RBFOX1: variants seen among roughly 807,000 people sequenced by gnomAD.
The protein encoded by RBFOX1 is RNA binding protein fox-1 homolog 1.
Under a neutral mutation model 57.7 loss-of-function variants are expected in RBFOX1, and 8 were observed. The ratio of observed to expected loss-of-function variants is 0.14; its 90% confidence interval spans 0.08 to 0.25. RBFOX1 has a LOEUF of 0.25. RBFOX1 is among the 10% of genes least tolerant of loss of function. The pLI is 1.00. For synonymous variants in RBFOX1, 326 were observed against 222.4 expected, an observed-to-expected ratio of 1.47 and a Z score of -4.15; for missense variants, 611 against 548.5, an observed-to-expected ratio of 1.11 and a Z score of -1.14.
chr16:5,499,074 T>C (rs984408589), intron 2 of RBFOX1, among the ~76,000 whole-genome samples: 1 of 152,178 alleles, frequency 6.6e-6, no homozygotes, highest in African/African-American at 2.4e-5. Context: ...GTGGTGCTCA[T>C]GCTTGCTGGC....
At chr16:6,485,189 T>G (rs1020861520) in intron 2 of RBFOX1, among the ~76,000 whole-genome samples, 8 of 152,178 alleles carry the variant, frequency 5.3e-5, no homozygotes, top group Non-Finnish European at 1.0e-4. Flanking sequence ...AGGCTTTTCA[T>G]TTAAAAAGCA....
At chr16:6,473,272 A>C (rs1337407055) in intron 2 of RBFOX1, among the ~76,000 whole-genome samples, 1 of 152,164 alleles carries the variant, frequency 6.6e-6, no homozygotes, top group Non-Finnish European at 1.5e-5. Flanking sequence ...GGCAGGGTAC[A>C]TGTCTGTCTC....
At chr16:5,577,960 G>A (rs2046524362) in intron 2 of RBFOX1, among the ~76,000 whole-genome samples, 1 of 76,328 alleles carries the variant, frequency 1.3e-5, no homozygotes, top group East Asian at 5.9e-4. Context: ...TGGGGTTTGA[G>A]GATTTCTTTT....
rs545169281 is a variant in RBFOX1 at position 7,212,428 on chromosome 16, A to G, written c.27+160330A>G. Among the ~76,000 whole-genome samples the G allele has an allele frequency of 1.4e-3, 219 of 152,292 alleles. 1 individual carries two copies. Among genetic ancestry groups the G allele is most frequent in the Non-Finnish European group, 2.5e-3 (171 of 68,028 alleles). On this transcript the variant is annotated intron_variant, in intron 4 of 15. Coordinates refer to ENST00000550418, the MANE Select transcript of RBFOX1 (RefSeq NM_018723.4). The stretch of plus-strand genomic sequence containing the variant: ...AGCAACCCCTCTTTCCCACTATTTT[A>G]AATGAATAGGCATACTTGTATCCAT...
chr16:7,088,849 C>T (rs1353291749), intron 4 of RBFOX1, among the ~76,000 whole-genome samples: 2 of 152,184 alleles, frequency 1.3e-5, no homozygotes, highest in South Asian at 2.1e-4. Context: ...CAACCTCTGT[C>T]TTTCATCAGC....
chr16:6,746,561 C>G (rs1387392412), intron 3 of RBFOX1, among the ~76,000 whole-genome samples: 1 of 151,984 alleles, frequency 6.6e-6, no homozygotes, highest in Non-Finnish European at 1.5e-5. Context: ...TCTGCAGTCC[C>G]TAGCTACCTG....
intron 4 of RBFOX1, among the ~76,000 whole-genome samples, chr16:7,496,176 C>T (rs747446873): frequency 6.6e-5 from 10 of 152,184 alleles, no homozygotes; most frequent in Non-Finnish European, 1.5e-4. Flanking sequence ...TAGGGTCTTG[C>T]TCTGTCTCCC....
chr16:5,550,424 G>T (rs552999718), intron 2 of RBFOX1, among the ~76,000 whole-genome samples: 2 of 152,292 alleles, frequency 1.3e-5, no homozygotes, highest in South Asian at 2.1e-4. Flanking sequence ...TTACCGCTCT[G>T]TTGGATCCAT....
Position 6,999,926 on chromosome 16 carries a change from A to T in RBFOX1, c.-15-52131A>T, listed in dbSNP as rs188901577. Among the ~76,000 whole-genome samples the T allele has an allele frequency of 1.2e-3, 180 of 152,040 alleles. 1 individual carries two copies. The highest frequency in any genetic ancestry group is 4.1e-3 in the African/African-American group (172 of 41,504). ...GTCTTTACTAAAAATACAGAAGTTA[A>T]CCAGGTGTGGTGGCACACACTTGTA... On this transcript the variant is annotated intron_variant, in intron 3 of 15. Coordinates refer to ENST00000550418, the MANE Select transcript of RBFOX1 (RefSeq NM_018723.4).
intron 1 of RBFOX1, among the ~76,000 whole-genome samples, chr16:5,315,849 A>G (rs965723275): frequency 2.6e-5 from 4 of 152,146 alleles, no homozygotes; most frequent in African/African-American, 9.7e-5. Context: ...CACATTGTCT[A>G]GAGCCTGTAG....
intron 4 of RBFOX1, among the ~76,000 whole-genome samples, chr16:7,145,623 G>GA: frequency 6.6e-6 from 1 of 152,072 alleles, no homozygotes; most frequent in African/African-American, 2.4e-5. Context: ...GTTAGTGGGG[G>GA]TATTTAGGAA....
At chr16:6,027,882 T>A (rs566040705) in intron 1 of RBFOX1, among the ~76,000 whole-genome samples, 1 of 152,260 alleles carries the variant, frequency 6.6e-6, no homozygotes, top group Admixed American at 6.5e-5. Context: ...TTGACAGACT[T>A]GAGGCCCTGT....
At chr16:7,214,273 C>T (rs1015853387) in intron 4 of RBFOX1, among the ~76,000 whole-genome samples, 5 of 152,222 alleles carry the variant, frequency 3.3e-5, no homozygotes, top group East Asian at 1.9e-4. Context: ...ATTTCTTACG[C>T]ATATGGGAGG....
intron 4 of RBFOX1, among the ~76,000 whole-genome samples, chr16:7,231,105 A>G (rs931195820): frequency 6.6e-6 from 1 of 152,150 alleles, no homozygotes; most frequent in Non-Finnish European, 1.5e-5. Context: ...TCAGGGTAAG[A>G]TAAGTATGGT....
intron 3 of RBFOX1, among the ~76,000 whole-genome samples, chr16:6,727,416 T>C (rs2067490060): frequency 6.6e-6 from 1 of 151,250 alleles, no homozygotes; most frequent in Non-Finnish European, 1.5e-5. Context: ...TTGTTCCTGG[T>C]TTTTTTTTCT....
chr16:5,259,143 A>G (rs539548660), intron 1 of RBFOX1, among the ~76,000 whole-genome samples: 1 of 151,764 alleles, frequency 6.6e-6, no homozygotes, highest in Non-Finnish European at 1.5e-5. Context: ...GAGTGTCCTC[A>G]TGATGCCTGG....
chr16:6,752,717 T>C (rs1017773611), intron 3 of RBFOX1, among the ~76,000 whole-genome samples: 12 of 152,164 alleles, frequency 7.9e-5, no homozygotes, highest in African/African-American at 2.7e-4. Flanking sequence ...GGTGCACCTA[T>C]CTTGATTTCA....
chr16:6,618,379 A>G (rs529473336), intron 2 of RBFOX1, among the ~76,000 whole-genome samples: 4 of 152,340 alleles, frequency 2.6e-5, no homozygotes, highest in Admixed American at 6.5e-5. Flanking sequence ...CCAAATAACC[A>G]TAAAAGGTAG....
chr16:7,667,369 C>G (rs527608205), intron 13 of RBFOX1, among the ~76,000 whole-genome samples: 1 of 152,132 alleles, frequency 6.6e-6, no homozygotes, highest in African/African-American at 2.4e-5. Flanking sequence ...ACAGAATATA[C>G]AGAACAAGAT....
Sources: allele counts gnomAD v4.1 joint callset (sites outside exome capture counted in the v4.1 genomes callset), GRCh38; gene constraint gnomAD v4.1.1; transcripts MANE v1.5; gene names NCBI Gene and HGNC (gene_info 2026-07-23, HGNC 2026-07-21).